Variants in ZDHHC12 observed in about 807,000 individuals in gnomAD.
The protein encoded by ZDHHC12 is palmitoyltransferase ZDHHC12.
A neutral mutation model predicts 33.2 loss-of-function variants in ZDHHC12; 26 were observed. The observed-to-expected ratio is 0.78, with a 90% CI of 0.57 to 1.09. The LOEUF is 1.09. Ranked by LOEUF, ZDHHC12 falls within the 50% of genes least tolerant of loss-of-function variation. ZDHHC12 has a pLI of 0.00. For missense variants in ZDHHC12, 350 were observed against 353.0 expected, an observed-to-expected ratio of 0.99 and a Z score of 0.07; for synonymous variants, 154 against 152.1, an observed-to-expected ratio of 1.01 and a Z score of -0.09.
chr9:128,722,493 T>C lies in ZDHHC12; in HGVS notation c.182A>G (p.Tyr61Cys), dbSNP rs11539210. Residue 61 changes from tyrosine to cysteine, a missense_variant, in exon 2 of 5, where the codon TAC becomes TGC. Coordinates refer to ENST00000372663, the MANE Select transcript of ZDHHC12 (RefSeq NM_032799.5). This position sits in a 1 kb window ranked among gnomAD's most constrained non-coding sequence, Gnocchi z 4.2. The part of the protein sequence containing the change: ...LLLVLGSLLL[Y>C]LAVSLMDPGY... ...AGGGTCCATGAGTGACACAGCGAGG[T>C]AGAGCAGCAGGGAGCCCAGCACCAG... The C allele has an allele frequency of 3.1e-4, 494 of 1,572,636 alleles. No individual in the cohort carries two copies. The highest frequency in any genetic ancestry group is 8.8e-4 in the Middle Eastern group (5 of 5,696).
At position 128,721,167 on chromosome 9, in the gene ZDHHC12, G is replaced by A. The variant is rs763411034; in HGVS notation, c.*14C>T. On this transcript the variant is annotated 3_prime_UTR_variant, in exon 5 of 5. Transcript: ENST00000372663. This position sits in a 1 kb window ranked among gnomAD's most constrained non-coding sequence, Gnocchi z 6.9. ...GTTTTCAGGCACAAGACGGTAGCCC[G>A]GCCTCCAGCAACCCTAAACAGCTGG... 14 of 1,540,088 alleles carry A rather than the reference G, an allele frequency of 9.1e-6. No individual in the cohort carries two copies. The East Asian group carries it at 1.6e-4, about 18-fold the overall frequency.
At position 128,722,920 on chromosome 9, in the gene ZDHHC12, G is replaced by C; in HGVS notation, c.101-346C>G. The C allele has an allele frequency of 2.6e-6, 1 of 387,338 alleles. No individual in the cohort carries two copies. The highest frequency in any genetic ancestry group is 4.3e-6 in the Non-Finnish European group (1 of 233,140). 24.0% of individuals were successfully genotyped at this position (387,338 alleles called of 1,614,324 possible). A position where few individuals can be genotyped will look rare whatever the true frequency, so the allele number is the denominator to read the frequency against. The stretch of plus-strand genomic sequence containing the variant: ...GGAAGGAATGGACAGGGGGCTGCTG[G>C]GTCAAGGGAGCCAGACCTGACTGGA... On this transcript the variant is annotated intron_variant, in intron 1 of 4. Transcript: ENST00000372663. The surrounding 1 kb of genome is among the most constrained non-coding windows in gnomAD (Gnocchi z 4.2).
rs1862584628 is a variant in ZDHHC12, at chr9:128,722,201, T to G, written c.238-115A>C. Reference sequence around the variant, plus strand: ...GGTATGGAGTTTGGGACCCATCCCATGCAGAATGGAGGTGTGGGGTATGGC... The same window carrying G: ...GGTATGGAGTTTGGGACCCATCCCAGGCAGAATGGAGGTGTGGGGTATGGC... On this transcript the variant is annotated intron_variant, in intron 2 of 4. Transcript: ENST00000372663. This position sits in a 1 kb window ranked among gnomAD's most constrained non-coding sequence, Gnocchi z 4.2. The G allele has an allele frequency of 7.5e-7, 1 of 1,334,076 alleles. No homozygotes were observed. The highest frequency in any genetic ancestry group is 2.4e-5 in the East Asian group (1 of 42,410). 82.6% of individuals were successfully genotyped at this position (1,334,076 alleles called of 1,614,324 possible).
At position 128,723,744 on chromosome 9, in the gene ZDHHC12, T is replaced by C. The variant is rs767005984; in HGVS notation, c.100+250A>G. On this transcript the variant is annotated intron_variant, in intron 1 of 4. Coordinates refer to ENST00000372663, the MANE Select transcript of ZDHHC12 (RefSeq NM_032799.5). The surrounding 1 kb of genome is among the most constrained non-coding windows in gnomAD (Gnocchi z 4.4). ...GTCCTTGGATCTGGTGGGCACCGGC[T>C]GGGTCCTGGGATGGACAGGGCATTT... 1 of 564,878 alleles carries C rather than the reference T, an allele frequency of 1.8e-6. No individual in the cohort carries two copies. The highest frequency in any genetic ancestry group is 3.0e-6 in the Non-Finnish European group (1 of 333,152). 35.0% of individuals were successfully genotyped at this position (564,878 alleles called of 1,614,324 possible). A position where few individuals can be genotyped will look rare whatever the true frequency, so the allele number is the denominator to read the frequency against.
Position 128,721,287 on chromosome 9 carries a change from C to T in ZDHHC12, c.698G>A (p.Arg233Gln), listed in dbSNP as rs145588785. 8.1e-6 allele frequency: 13 copies of T among 1,597,726 alleles called. No individual in the cohort carries two copies. The South Asian group carries it at 9.1e-5, about 11-fold the overall frequency. ...LRQRPSNPFDRGLTRNLAHFF... is the reference protein window; with the variant it reads ...LRQRPSNPFDQGLTRNLAHFF... ...GTGGGCCAGGTTGCGGGTCAGGCCT[C>T]GGTCGAAGGGGTTGCTGGGGCGCTG... Residue 233 changes from arginine (R) to glutamine (Q), a missense_variant, in exon 5 of 5, where the codon CGA (arginine) becomes CAA (glutamine). Physicochemically the swap from Arg to Gln is conservative, Grantham distance 43. Coordinates refer to ENST00000372663, the MANE Select transcript of ZDHHC12 (RefSeq NM_032799.5). This position sits in a 1 kb window ranked among gnomAD's most constrained non-coding sequence, Gnocchi z 6.9.
Position 128,722,219 on chromosome 9 carries a change from G to A in ZDHHC12, c.238-133C>T. 8.2e-7 allele frequency: 1 copy of A among 1,226,570 alleles called. No individual in the cohort carries two copies. The highest frequency in any genetic ancestry group is 1.2e-6 in the Non-Finnish European group (1 of 861,372). The allele number at this position is 1,226,570 out of a possible 1,614,324, so 76.0% of individuals were successfully genotyped here. On this transcript the variant is annotated intron_variant, in intron 2 of 4. Coordinates refer to ENST00000372663, the MANE Select transcript of ZDHHC12 (RefSeq NM_032799.5). The surrounding 1 kb of genome is among the most constrained non-coding windows in gnomAD (Gnocchi z 4.2). The stretch of plus-strand genomic sequence containing the variant: ...CATCCCATGCAGAATGGAGGTGTGG[G>A]GTATGGCGGAGCACCCTGGACTGAG...
In ZDHHC12 at chr9:128,723,737, C is replaced by T. The variant is rs1001029491; in HGVS notation, c.100+257G>A. ...CAAGTCGGTCCTTGGATCTGGTGGG[C>T]ACCGGCTGGGTCCTGGGATGGACAG... On this transcript the variant is annotated intron_variant, in intron 1 of 4. Transcript: ENST00000372663. The surrounding 1 kb of genome is among the most constrained non-coding windows in gnomAD (Gnocchi z 4.4). 2 of 549,288 alleles carry T rather than the reference C, an allele frequency of 3.6e-6. No homozygotes were observed. Among genetic ancestry groups the T allele is most frequent in the South Asian group, 2.8e-5 (1 of 35,962 alleles). 34.0% of individuals were successfully genotyped at this position (549,288 alleles called of 1,614,324 possible).
Position 128,721,142 on chromosome 9 carries a change from GT to G in ZDHHC12, c.*38del, listed in dbSNP as rs746391386. 3.3e-6 allele frequency: 5 copies of G among 1,499,534 alleles called. No individual in the cohort carries two copies. The South Asian group carries it at 6.4e-5, about 19-fold the overall frequency. The allele number at this position is 1,499,534 out of a possible 1,614,324, so 92.9% of individuals were successfully genotyped here. The stretch of plus-strand genomic sequence containing the variant: ...ACCCCAGCTGGGGACAGGCCCCGTG[GT>G]TTTCAGGCACAAGACGGTAGCCCGG... On this transcript the variant is annotated 3_prime_UTR_variant, in exon 5 of 5. Coordinates refer to ENST00000372663, the MANE Select transcript of ZDHHC12 (RefSeq NM_032799.5). This position sits in a 1 kb window ranked among gnomAD's most constrained non-coding sequence, Gnocchi z 6.9.
At position 128,722,383 on chromosome 9, in the gene ZDHHC12, G is replaced by C; in HGVS notation, c.237+55C>G. Reference sequence around the variant, plus strand: ...AGCCTGCAGCACAGAGCCTGGCATGGAGACTGGTGCTGGTTGTTAGGTCCC... The same window carrying C: ...AGCCTGCAGCACAGAGCCTGGCATGCAGACTGGTGCTGGTTGTTAGGTCCC... On this transcript the variant is annotated intron_variant, in intron 2 of 4. Coordinates refer to ENST00000372663, the MANE Select transcript of ZDHHC12 (RefSeq NM_032799.5). The surrounding 1 kb of genome is among the most constrained non-coding windows in gnomAD (Gnocchi z 4.2). 6.9e-7 allele frequency: 1 copy of C among 1,457,732 alleles called. No homozygotes were observed. Among genetic ancestry groups the C allele is most frequent in the Non-Finnish European group, 9.1e-7 (1 of 1,102,462 alleles). The allele number at this position is 1,457,732 out of a possible 1,614,324, so 90.3% of individuals were successfully genotyped here. A position where few individuals can be genotyped will look rare whatever the true frequency, so the allele number is the denominator to read the frequency against.
chr9:128,722,395 GGTT>G lies in ZDHHC12; in HGVS notation c.237+40_237+42del. 6.8e-7 allele frequency: 1 copy of G among 1,462,148 alleles called. No individual in the cohort carries two copies. Among genetic ancestry groups the G allele is most frequent in the Non-Finnish European group, 9.1e-7 (1 of 1,104,734 alleles). 90.6% of individuals were successfully genotyped at this position (1,462,148 alleles called of 1,614,324 possible). A position where few individuals can be genotyped will look rare whatever the true frequency, so the allele number is the denominator to read the frequency against. ...AGAGCCTGGCATGGAGACTGGTGCT[GGTT>G]GTTAGGTCCCTGTTGGTGAGAGTAG... On this transcript the variant is annotated intron_variant, in intron 2 of 4. Transcript: ENST00000372663. The surrounding 1 kb of genome is among the most constrained non-coding windows in gnomAD (Gnocchi z 4.2).
chr9:128,723,610 A>G lies in ZDHHC12; in HGVS notation c.100+384T>C, dbSNP rs1223730234. ...GGGTGTGGGTGTGGGCAGAATGCCA[A>G]TCTTTGCATCTAGTTGAGCCTCCTA... On this transcript the variant is annotated intron_variant, in intron 1 of 4. Coordinates refer to ENST00000372663, the MANE Select transcript of ZDHHC12 (RefSeq NM_032799.5). This position sits in a 1 kb window ranked among gnomAD's most constrained non-coding sequence, Gnocchi z 4.4. The G allele has an allele frequency of 3.5e-5, 13 of 369,336 alleles. No homozygotes were observed. In the Admixed American group the frequency reaches 5.5e-4, roughly 16 times the overall value. The allele number at this position is 369,336 out of a possible 1,614,324, so 22.9% of individuals were successfully genotyped here. A position where few individuals can be genotyped will look rare whatever the true frequency, so the allele number is the denominator to read the frequency against.
At position 128,722,462 on chromosome 9, in the gene ZDHHC12, G is replaced by T. The variant is rs749909230; in HGVS notation, c.213C>A (p.Tyr71Ter). The T allele has an allele frequency of 2.0e-6, 3 of 1,536,444 alleles. No homozygotes were observed. Among genetic ancestry groups the T allele is most frequent in the Non-Finnish European group, 2.6e-6 (3 of 1,138,864 alleles). Residue 71 changes from tyrosine to a stop codon, truncating the protein, a stop_gained, in exon 2 of 5, where the codon TAC becomes TAA. Coordinates refer to ENST00000372663, the MANE Select transcript of ZDHHC12 (RefSeq NM_032799.5). LOFTEE classifies it high-confidence loss of function. This position sits in a 1 kb window ranked among gnomAD's most constrained non-coding sequence, Gnocchi z 4.2. ...YLAVSLMDPGYVNVQPQPQEE... is the reference protein window; with the variant it reads ...YLAVSLMDPG ...CCTGAGGCTGGGGCTGCACATTCAC[G>T]TAGCCAGGGTCCATGAGTGACACAG... is the stretch of plus-strand genomic sequence containing the variant.
At position 128,722,857 on chromosome 9, in the gene ZDHHC12, A is replaced by G. The variant is rs1589502531; in HGVS notation, c.101-283T>C. Reference sequence around the variant, plus strand: ...GGCAGAGAATCTGGCCAGGAGGAAGAAGAGAGTCGCTACAAAGGCCTGGCA... The same window carrying G: ...GGCAGAGAATCTGGCCAGGAGGAAGGAGAGAGTCGCTACAAAGGCCTGGCA... On this transcript the variant is annotated intron_variant, in intron 1 of 4. Coordinates refer to ENST00000372663, the MANE Select transcript of ZDHHC12 (RefSeq NM_032799.5). The surrounding 1 kb of genome is among the most constrained non-coding windows in gnomAD (Gnocchi z 4.2). 8 of 985,878 alleles carry G rather than the reference A, an allele frequency of 8.1e-6. No homozygotes were observed. In the East Asian group the frequency reaches 2.8e-4, roughly 34 times the overall value. The allele number at this position is 985,878 out of a possible 1,614,324, so 61.1% of individuals were successfully genotyped here.
Position 128,722,904 on chromosome 9 carries a change from G to A in ZDHHC12, c.101-330C>T. 2.2e-6 allele frequency: 1 copy of A among 463,210 alleles called. No individual in the cohort carries two copies. Among genetic ancestry groups the A allele is most frequent in the Non-Finnish European group, 3.4e-6 (1 of 294,944 alleles). 28.7% of individuals were successfully genotyped at this position (463,210 alleles called of 1,614,324 possible). On this transcript the variant is annotated intron_variant, in intron 1 of 4. Transcript: ENST00000372663. This position sits in a 1 kb window ranked among gnomAD's most constrained non-coding sequence, Gnocchi z 4.2. ...GGCAGGAAGTGAGGGAGGAAGGAAT[G>A]GACAGGGGGCTGCTGGGTCAAGGGA... is the stretch of plus-strand genomic sequence containing the variant.
Position 128,724,046 on chromosome 9 carries a change from C to G in ZDHHC12, c.48G>C (p.Gly16=), listed in dbSNP as rs143212938. The G allele has an allele frequency of 6.7e-3, 10,734 of 1,611,440 alleles. 38 individuals are homozygous for G. Among genetic ancestry groups the G allele is most frequent in the Admixed American group, 8.2e-3 (490 of 59,862 alleles). The change falls in exon 1 of 5, where the codon GGG becomes GGC. Residue 16 remains glycine (G), a synonymous_variant. Transcript: ENST00000372663. ...LLSPGVLVRT[G]HTVLTWGITL... ...TGATTCCCCAGGTCAGCACGGTGTG[C>G]CCGGTCCGCACCAGGACCCCAGGGC...
rs781585258 is a variant in ZDHHC12, at chr9:128,721,276, G to A, written c.709C>T (p.Arg237Cys). Residue 237 changes from arginine to cysteine, a missense_variant, in exon 5 of 5, where the codon CGC becomes TGC. Physicochemically the swap from Arg to Cys is radical, Grantham distance 180. Transcript: ENST00000372663. This position sits in a 1 kb window ranked among gnomAD's most constrained non-coding sequence, Gnocchi z 6.9. The part of the protein sequence containing the change: ...PSNPFDRGLT[R>C]NLAHFFCGWP... ...CCACAGAAGAAGTGGGCCAGGTTGC[G>A]GGTCAGGCCTCGGTCGAAGGGGTTG... 6.2e-6 allele frequency: 10 copies of A among 1,601,870 alleles called. No individual in the cohort carries two copies. Among genetic ancestry groups the A allele is most frequent in the South Asian group, 5.6e-5 (5 of 88,958 alleles).
In ZDHHC12 at chr9:128,722,866, G is replaced by T; in HGVS notation, c.101-292C>A. The T allele has an allele frequency of 4.6e-6, 4 of 860,738 alleles. No individual in the cohort carries two copies. In the South Asian group the frequency reaches 9.4e-5, roughly 20 times the overall value. The allele number at this position is 860,738 out of a possible 1,614,324, so 53.3% of individuals were successfully genotyped here. A position where few individuals can be genotyped will look rare whatever the true frequency, so the allele number is the denominator to read the frequency against. On this transcript the variant is annotated intron_variant, in intron 1 of 4. Coordinates refer to ENST00000372663, the MANE Select transcript of ZDHHC12 (RefSeq NM_032799.5). The surrounding 1 kb of genome is among the most constrained non-coding windows in gnomAD (Gnocchi z 4.2). ...TCTGGCCAGGAGGAAGAAGAGAGTC[G>T]CTACAAAGGCCTGGCAGGAAGTGAG...
Position 128,721,552 on chromosome 9 carries a change from C to T in ZDHHC12, c.483-50G>A. 1.3e-6 allele frequency: 2 copies of T among 1,588,638 alleles called. No individual in the cohort carries two copies. Among genetic ancestry groups the T allele is most frequent in the South Asian group, 2.3e-5 (2 of 88,362 alleles). The stretch of plus-strand genomic sequence containing the variant: ...GGTGCTGGGGGAGGGCAGGGGAGCC[C>T]TTCCCTCCCCATGCCGGGTCCCTGG... On this transcript the variant is annotated intron_variant, in intron 4 of 4. Transcript: ENST00000372663. This position sits in a 1 kb window ranked among gnomAD's most constrained non-coding sequence, Gnocchi z 6.9.
rs746557005 is a variant in ZDHHC12, at chr9:128,721,799, G to T, written c.334C>A (p.His112Asn). The T allele has an allele frequency of 1.9e-6, 3 of 1,613,200 alleles. No individual in the cohort carries two copies. In the South Asian group the frequency reaches 3.3e-5, roughly 18 times the overall value. Residue 112 changes from histidine to asparagine, a missense_variant, in exon 4 of 5, where the codon CAC becomes AAC. Coordinates refer to ENST00000372663, the MANE Select transcript of ZDHHC12 (RefSeq NM_032799.5). This position sits in a 1 kb window ranked among gnomAD's most constrained non-coding sequence, Gnocchi z 6.9. Reference protein sequence around the residue: ...CLVLQPLRARHCRECRRCVRR... With the variant: ...CLVLQPLRARNCRECRRCVRR... ...ACGCAACGGCGGCACTCACGGCAGT[G>T]CCGAGCCCTCAGGGGCTGCTGTGGG... is the stretch of plus-strand genomic sequence containing the variant.
Sources: allele counts gnomAD v4.1 joint callset, GRCh38; gene constraint gnomAD v4.1.1; non-coding constraint Gnocchi (gnomAD v3.1); transcripts MANE v1.5; gene names NCBI Gene and HGNC (gene_info 2026-07-23, HGNC 2026-07-21).